Variants in SORBS2 observed in about 807,000 individuals in gnomAD.
The protein encoded by SORBS2 is sorbin and SH3 domain-containing protein 2.
SORBS2 carries 46 observed loss-of-function variants against 97.7 expected under a neutral mutation model. That is an observed-to-expected ratio of 0.47 (90% CI 0.37 to 0.60). SORBS2 has a LOEUF of 0.60. Among genes scored for constraint, SORBS2 ranks in the 20% least tolerant of loss-of-function variants. The pLI, the probability that SORBS2 is intolerant of heterozygous loss-of-function variation, is 0.00. For synonymous variants in SORBS2, 476 were observed against 473.4 expected (o/e 1.01, Z -0.07); for missense variants, 1,316 against 1,282.3 (o/e 1.03, Z -0.40).
intron 1 of SORBS2, among the ~76,000 whole-genome samples, chr4:185,801,874 T>C (rs1226201840): frequency 6.6e-6 from 1 of 152,184 alleles, no homozygotes; most frequent in African/African-American, 2.4e-5. Flanking sequence ...TCTTTTCTCA[T>C]GTGAAACAGT....
chr4:185,867,115 G>A (rs533767929), intron 1 of SORBS2, among the ~76,000 whole-genome samples: 6 of 152,214 alleles, frequency 3.9e-5, no homozygotes, highest in South Asian at 2.1e-4. Flanking sequence ...AGGTTCAAGC[G>A]ATTCTCCTGC....
At chr4:185,743,228 C>T (rs914666875) in intron 2 of SORBS2, among the ~76,000 whole-genome samples, 4 of 152,128 alleles carry the variant, frequency 2.6e-5, no homozygotes, top group Non-Finnish European at 4.4e-5. Flanking sequence ...AGTTTGACAA[C>T]ATGCTGCTTA....
At chr4:185,809,359 G>C (rs547239154) in intron 1 of SORBS2, among the ~76,000 whole-genome samples, 1 of 149,238 alleles carries the variant, frequency 6.7e-6, no homozygotes, top group East Asian at 2.0e-4. Flanking sequence ...GGGACAGTGA[G>C]GGGGGATGTC....
At chr4:185,629,892 T>C (rs766980757) in intron 5 of SORBS2, among the ~76,000 whole-genome samples, 2 of 152,154 alleles carry the variant, frequency 1.3e-5, no homozygotes, top group Non-Finnish European at 2.9e-5. Flanking sequence ...AAAAGTGTGA[T>C]ATTTAAAGCT....
chr4:185,720,961 T>C (rs1048146330), intron 2 of SORBS2, among the ~76,000 whole-genome samples: 6 of 152,084 alleles, frequency 3.9e-5, no homozygotes, highest in Admixed American at 2.6e-4. Context: ...CACCCTTGCA[T>C]TGGGAATGAT....
At chr4:185,587,799 G>C (rs2153348784) in intron 14 of SORBS2, 111 bp from the exon 27 acceptor site, 1 of 823,624 alleles carries the variant, frequency 1.2e-6, no homozygotes, top group Non-Finnish European at 2.0e-6. Flanking sequence ...GCCCCGAGGG[G>C]TTTGGAAAAG....
chr4:185,931,587 G>T (rs1347648744), intron 1 of SORBS2, among the ~76,000 whole-genome samples: 1 of 152,144 alleles, frequency 6.6e-6, no homozygotes, highest in African/African-American at 2.4e-5. Context: ...GCAGGCCAGG[G>T]TGATAAGATA....
chr4:185,803,976 C>T (rs1047926064), intron 1 of SORBS2, among the ~76,000 whole-genome samples: 2 of 152,108 alleles, frequency 1.3e-5, no homozygotes, highest in Non-Finnish European at 2.9e-5. Context: ...AGTTAAGTTG[C>T]TCAGAAGGTT....
At chr4:185,787,561 T>C (rs1281048018) in intron 1 of SORBS2, among the ~76,000 whole-genome samples, 1 of 152,232 alleles carries the variant, frequency 6.6e-6, no homozygotes, top group East Asian at 1.9e-4. Flanking sequence ...GACTTTGACC[T>C]ATGATTTCTG....
At chr4:185,702,644 C>G (rs1273246066) in intron 2 of SORBS2, among the ~76,000 whole-genome samples, 1 of 147,786 alleles carries the variant, frequency 6.8e-6, no homozygotes, top group Non-Finnish European at 1.5e-5. Context: ...GGTATGTGCT[C>G]TTAATGTTAC....
chr4:185,628,173 G>A (rs1427158387), intron 5 of SORBS2, among the ~76,000 whole-genome samples: 1 of 152,058 alleles, frequency 6.6e-6, no homozygotes, highest in Non-Finnish European at 1.5e-5. Context: ...GTGAACCTAA[G>A]TTTTTAAACA....
chr4:185,878,427 A>G (rs978842955), intron 1 of SORBS2, among the ~76,000 whole-genome samples: 1 of 152,008 alleles, frequency 6.6e-6, no homozygotes, highest in African/African-American at 2.4e-5. Context: ...CCTCCGCCTT[A>G]TTTCCCCATC....
chr4:185,643,983 A>T (rs2097170108), intron 4 of SORBS2, among the ~76,000 whole-genome samples: 1 of 152,164 alleles, frequency 6.6e-6, no homozygotes, highest in Non-Finnish European at 1.5e-5. Context: ...CAGTCTCTAC[A>T]TCACCACGGC....
At chr4:185,740,989 T>C (rs1240470529) in intron 2 of SORBS2, among the ~76,000 whole-genome samples, 3 of 149,808 alleles carry the variant, frequency 2.0e-5, no homozygotes, top group African/African-American at 7.4e-5. Context: ...AAACCAGCAC[T>C]AACTCGGACC....
intron 1 of SORBS2, among the ~76,000 whole-genome samples, chr4:185,841,100 A>G (rs933313437): frequency 1.3e-5 from 2 of 152,210 alleles, no homozygotes; most frequent in African/African-American, 2.4e-5. Context: ...GGCGTGCGGC[A>G]TTGCGGAAGA....
chr4:185,594,116 G>C, intron 12 of SORBS2, 181 bp from the exon 25 acceptor site: 1 of 563,360 alleles, frequency 1.8e-6, no homozygotes, highest in Admixed American at 3.3e-5. Flanking sequence ...TTTAAAGGGA[G>C]CTTTAAATTA....
chr4:185,777,784 T>C (rs892606296), intron 1 of SORBS2, among the ~76,000 whole-genome samples: 4 of 140,890 alleles, frequency 2.8e-5, no homozygotes, highest in South Asian at 4.3e-4. Context: ...GAGGTCTTTA[T>C]ACAAAAAAAA....
At position 185,897,096 on chromosome 4, in the gene SORBS2, CCT is replaced by C. The variant is rs542061643; in HGVS notation, c.-338+59098_-338+59099del. On this transcript the variant is annotated intron_variant, in intron 1 of 20. Coordinates refer to the SORBS2 transcript ENST00000284776. ...TTCCGGTTCCTCAGCCCAATTCTCC[CCT>C]GAGGCCAGATATAGAAACCAGAATC... Among the ~76,000 whole-genome samples the C allele has an allele frequency of 2.1e-3, 313 of 152,276 alleles. 1 individual carries two copies. Among genetic ancestry groups the C allele is most frequent in the African/African-American group, 7.3e-3 (304 of 41,552 alleles).
intron 1 of SORBS2, among the ~76,000 whole-genome samples, chr4:185,790,123 T>C (rs1296511793): frequency 6.9e-6 from 1 of 145,736 alleles, no homozygotes; most frequent in Non-Finnish European, 1.5e-5. Flanking sequence ...TTTTATTTCT[T>C]TTTTTTTTTA....
Sources: gnomAD v4.1 joint callset for allele counts (sites outside exome capture counted in the v4.1 genomes callset) on GRCh38, gnomAD v4.1.1 for gene constraint, MANE v1.5 for transcripts, NCBI Gene and HGNC (gene_info 2026-07-23, HGNC 2026-07-21) for gene names.